The following ABL2 variants were observed in gnomAD, a reference collection of about 807,000 sequenced individuals.
ABL2 encodes the protein ABL proto-oncogene 2, non-receptor tyrosine kinase.
In ABL2, 49 loss-of-function variants were observed where a neutral mutation model predicts 107.7. That is an observed-to-expected ratio of 0.45 (90% CI 0.36 to 0.58). ABL2 has a LOEUF of 0.58. Ranked by LOEUF, ABL2 falls within the 20% of genes least tolerant of loss-of-function variation. ABL2 has a pLI of 0.00. For synonymous variants in ABL2, 549 were observed against 548.6 expected, an observed-to-expected ratio of 1.00 and a Z score of -0.01; for missense variants, 1,245 against 1,457.0, an observed-to-expected ratio of 0.85 and a Z score of 2.37.
chr1:179,222,092 G>T, intron 1 of ABL2: 1 of 184,872 alleles, frequency 5.4e-6, no homozygotes, highest in East Asian at 1.5e-4. Context: ...TCACTTTTTA[G>T]CAGATTATGC....
chr1:179,219,274 C>T (rs1558007106), intron 1 of ABL2, among the ~76,000 whole-genome samples: 1 of 152,114 alleles, frequency 6.6e-6, no homozygotes, highest in East Asian at 1.9e-4. Flanking sequence ...AACTCCTGAG[C>T]TTAAAGCAAT....
Position 179,120,177 on chromosome 1 carries a change from C to A in ABL2, c.1045+13G>T. On this transcript the variant is annotated intron_variant, in intron 6 of 11. Coordinates refer to ENST00000502732, the MANE Select transcript of ABL2 (RefSeq NM_007314.4). ...TTTTGGAGGAAATCTATGGTTCAGG[C>A]AAGGTTCCTCACCTAAAAGTTGTAC... 1 of 1,569,914 alleles carries A rather than the reference C, an allele frequency of 6.4e-7. No individual in the cohort carries two copies.
intron 1 of ABL2, among the ~76,000 whole-genome samples, chr1:179,171,380 C>A (rs567369528): frequency 6.6e-6 from 1 of 152,256 alleles, no homozygotes; most frequent in East Asian, 1.9e-4. Context: ...AGAGATTTCG[C>A]TAGAACAAGT....
chr1:179,107,901 G>A lies in ABL2; in HGVS notation c.3366C>T (p.Gly1122=), dbSNP rs1408597127. The A allele has an allele frequency of 3.1e-6, 5 of 1,614,112 alleles. No homozygotes were observed. The highest frequency in any genetic ancestry group is 4.2e-6 in the Non-Finnish European group (5 of 1,180,046). ...TGHQLLDYCS[G]YVDCIPQTRN... ...GAGTTTGAGGGATGCAGTCCACATA[G>A]CCTGAGCAGTAGTCAAGCAGCTGGT... Residue 1122 remains glycine, a synonymous_variant, in exon 12 of 12, where the codon GGC becomes GGT. Transcript: ENST00000502732.
chr1:179,187,835 C>T (rs914354914), intron 1 of ABL2, among the ~76,000 whole-genome samples: 1 of 149,132 alleles, frequency 6.7e-6, no homozygotes, highest in African/African-American at 2.4e-5. Flanking sequence ...TCTGCTTTCA[C>T]CCTTGTCCCC....
intron 1 of ABL2, among the ~76,000 whole-genome samples, chr1:179,186,627 C>T (rs540723401): frequency 1.3e-5 from 2 of 150,792 alleles, no homozygotes; most frequent in African/African-American, 2.4e-5. Flanking sequence ...ACACTGTGCC[C>T]GGCCTCAACT....
At chr1:179,209,264 T>C (rs1662143474) in intron 1 of ABL2, among the ~76,000 whole-genome samples, 1 of 152,314 alleles carries the variant, frequency 6.6e-6, no homozygotes, top group Admixed American at 6.5e-5. Flanking sequence ...CACAGGGACA[T>C]TGAGAAGACT....
Position 179,108,740 on chromosome 1 carries a change from G to C in ABL2, c.2527C>G (p.Pro843Ala). The C allele has an allele frequency of 1.9e-6, 3 of 1,614,188 alleles. No homozygotes were observed. The highest frequency in any genetic ancestry group is 2.2e-5 in the South Asian group (2 of 91,078). ...LPKKSEESAA[P>A]SRERPKAKLL... ...TTGGCTTTTGGTCTCTCCCTGCTTG[G>C]AGCAGCACTTTCCTCTGATTTTTTT... Residue 843 changes from proline to alanine, a missense_variant, in exon 12 of 12, where the codon CCA becomes GCA. Around this residue, in one of 3 missense-constraint regions of ABL2, gnomAD observed 761 missense variants for 766.4 expected, o/e 0.99. Transcript: ENST00000502732.
rs143176811 is a variant in ABL2 at position 179,110,009 on chromosome 1, C to G, written c.1825+273G>C. On this transcript the variant is annotated intron_variant, in intron 11 of 11. Transcript: ENST00000502732. The stretch of plus-strand genomic sequence containing the variant: ...CAACACTCATCCTTTCTTTAAAAAC[C>G]ACTGCGCAACCTCTTCTCCTCTATC... Among the ~76,000 whole-genome samples, 118 of 152,074 alleles carry G rather than the reference C, an allele frequency of 7.8e-4. 4 individuals are homozygous for G. In the East Asian group the frequency reaches 0.022, roughly 29 times the overall value.
intron 1 of ABL2, among the ~76,000 whole-genome samples, chr1:179,138,985 C>T (rs563541284): frequency 1.3e-5 from 2 of 152,340 alleles, no homozygotes; most frequent in South Asian, 4.1e-4. Context: ...GGACTTAGCA[C>T]CTGGGCCAGC....
chr1:179,121,404 C>T (rs1432807096), intron 5 of ABL2, among the ~76,000 whole-genome samples, 191 bp downstream of exon 5: 1 of 152,228 alleles, frequency 6.6e-6, no homozygotes, highest in African/African-American at 2.4e-5. Context: ...GTGGGTTTCA[C>T]TGCATTGCAG....
rs1460535774 is a variant in ABL2 at position 179,180,723 on chromosome 1, GTTTAT to G, written c.158-47354_158-47350del. 2.6e-5 allele frequency among the ~76,000 whole-genome samples: 4 copies of G among 152,066 alleles called. No individual in the cohort carries two copies. In the East Asian group the frequency reaches 5.8e-4, roughly 22 times the overall value. Reference sequence around the variant, plus strand: ...GATAACAAAGTAAATTTTATGTTGTGTTTATTTTATCACAATTTAAAATAATTTTT... The same window carrying G: ...GATAACAAAGTAAATTTTATGTTGTGTTTATCACAATTTAAAATAATTTTT... On this transcript the variant is annotated intron_variant, in intron 1 of 11. Coordinates refer to ENST00000502732, the MANE Select transcript of ABL2 (RefSeq NM_007314.4).
intron 1 of ABL2, among the ~76,000 whole-genome samples, chr1:179,151,221 A>C (rs1367549003): frequency 1.3e-5 from 2 of 152,188 alleles, no homozygotes; most frequent in Non-Finnish European, 2.9e-5. Context: ...CCTACCTCTC[A>C]TACACTCACA....
chr1:179,227,587 C>G (rs1663291159), intron 1 of ABL2, among the ~76,000 whole-genome samples: 2 of 152,190 alleles, frequency 1.3e-5, no homozygotes, highest in Admixed American at 1.3e-4. Context: ...AAGTTTAATG[C>G]ATAGTAACAC....
At chr1:179,109,588 C>T in intron 11 of ABL2, 147 bp from the exon 12 acceptor site, 1 of 1,294,832 alleles carries the variant, frequency 7.7e-7, no homozygotes, top group Non-Finnish European at 1.0e-6. Context: ...AATACATTAT[C>T]ATTTCACAGT....
rs1653051590 is a variant in ABL2, at chr1:179,101,099, T to G, written c.*6619A>C. ...TGGCCACTGCCATCTGAGAAGCTCGTGTCTACCAGCTCTAGTTCAATAATC... is the reference window on the plus strand; with the variant it reads ...TGGCCACTGCCATCTGAGAAGCTCGGGTCTACCAGCTCTAGTTCAATAATC... On this transcript the variant is annotated 3_prime_UTR_variant, in exon 12 of 12. Transcript: ENST00000502732. 4.3e-6 allele frequency: 1 copy of G among 231,240 alleles called. No individual in the cohort carries two copies. The highest frequency in any genetic ancestry group is 1.8e-4 in the South Asian group (1 of 5,518). 14.3% of individuals were successfully genotyped at this position (231,240 alleles called of 1,614,324 possible).
intron 1 of ABL2, among the ~76,000 whole-genome samples, chr1:179,189,212 T>C (rs550186692): frequency 1.3e-5 from 2 of 152,272 alleles, no homozygotes; most frequent in African/African-American, 2.4e-5. Flanking sequence ...CTAGGCTCAC[T>C]GCAACCTTCG....
intron 1 of ABL2, among the ~76,000 whole-genome samples, chr1:179,217,743 G>C (rs1470355913): frequency 6.6e-6 from 1 of 151,858 alleles, no homozygotes; most frequent in Admixed American, 6.6e-5. Context: ...TCCTTCATTA[G>C]ACCATCATAT....
At chr1:179,146,609 G>A (rs1029839447) in intron 1 of ABL2, among the ~76,000 whole-genome samples, 3 of 152,118 alleles carry the variant, frequency 2.0e-5, no homozygotes, top group Admixed American at 6.5e-5. Flanking sequence ...ATCCCTACGT[G>A]TCAAGGGCAG....
Sources: gnomAD v4.1 joint callset for allele counts (sites outside exome capture counted in the v4.1 genomes callset) on GRCh38, gnomAD v4.1.1 for gene constraint, gnomAD v4.1.1 regional missense constraint, MANE v1.5 for transcripts, NCBI Gene and HGNC (gene_info 2026-07-23, HGNC 2026-07-21) for gene names.